The following GALNT15 variants were observed in gnomAD, a reference collection of about 807,000 sequenced individuals.
GALNT15 encodes polypeptide N-acetylgalactosaminyltransferase 15.
GALNT15 carries 67 observed loss-of-function variants against 66.8 expected under a neutral mutation model. That is an observed-to-expected ratio of 1.00 (90% CI 0.82 to 1.23). GALNT15 has a LOEUF of 1.23. Among genes scored for constraint, GALNT15 ranks in the 50% most tolerant of loss-of-function variants. GALNT15 has a pLI of 0.00. For missense variants in GALNT15, 827 were observed against 804.3 expected (o/e 1.03, Z -0.34); for synonymous variants, 313 against 311.5 (o/e 1.00, Z -0.05).
intron 1 of GALNT15, among the ~76,000 whole-genome samples, chr3:16,185,479 TAA>T (rs1190947792): frequency 6.6e-6 from 1 of 152,162 alleles, no homozygotes; most frequent in Non-Finnish European, 1.5e-5. Flanking sequence ...GCAGGTTTCC[TAA>T]AAGTGATTCT....
rs9833671 is a variant in GALNT15, at chr3:16,195,865, C to T, written c.645C>T (p.Leu215=). ...STLLRTVHSI[L]DTVPRAFLKE... ...TCCTGCGGACTGTACACAGCATCCT[C>T]GACACAGTGCCCAGGGCCTTCCTGA... The change falls in exon 2 of 10, where the codon CTC becomes CTT. Residue 215 remains leucine (L), a synonymous_variant. Transcript: ENST00000339732. The surrounding 1 kb of genome is among the most constrained non-coding windows in gnomAD (Gnocchi z 4.6). 26,035 of 1,613,996 alleles carry T rather than the reference C, an allele frequency of 0.016. 3,537 individuals are homozygous for T. The African/African-American group carries it at 0.3, about 18-fold the overall frequency.
chr3:16,190,653 A>G (rs896287705), intron 1 of GALNT15, among the ~76,000 whole-genome samples: 19 of 151,768 alleles, frequency 1.3e-4, no homozygotes, highest in African/African-American at 2.9e-4. Flanking sequence ...AAAAAAAAAA[A>G]AAAAGAAACA....
chr3:16,219,403 G>C lies in GALNT15; in HGVS notation c.1393G>C (p.Ala465Pro). The change falls in exon 7 of 10, where the codon GCT becomes CCT. Residue 465 changes from alanine (A) to proline (P), a missense_variant and splice_region_variant. By Grantham distance (27) the Ala-to-Pro change is conservative (BLOSUM62 -1). Transcript: ENST00000339732. This position sits in a 1 kb window ranked among gnomAD's most constrained non-coding sequence, Gnocchi z 4.3. ...HSPEAFSLSK[A>P]EKPDCMERLQ... ...CTGCTTGTGTCTTTCTCCTCCCCAGGCTGAGAAGCCAGACTGCATGGAACG... is the reference window on the plus strand; with the variant it reads ...CTGCTTGTGTCTTTCTCCTCCCCAGCCTGAGAAGCCAGACTGCATGGAACG... The C allele has an allele frequency of 6.2e-7, 1 of 1,613,930 alleles. No individual in the cohort carries two copies. The highest frequency in any genetic ancestry group is 8.5e-7 in the Non-Finnish European group (1 of 1,179,918).
rs931309103 is a variant in GALNT15 at position 16,218,702 on chromosome 3, C to T, written c.1393-701C>T. Among the ~76,000 whole-genome samples, 9 of 152,092 alleles carry T rather than the reference C, an allele frequency of 5.9e-5. 1 individual carries two copies. The highest frequency in any genetic ancestry group is 4.6e-4 in the Admixed American group (7 of 15,278). On this transcript the variant is annotated intron_variant, in intron 6 of 9. Transcript: ENST00000339732. The stretch of plus-strand genomic sequence containing the variant: ...TGGGTCAGTTCCTGACTCCATGAGG[C>T]CCCTCGTAGTTTCTCCTTACACCAA...
At position 16,227,673 on chromosome 3, in the gene GALNT15, T is replaced by G; in HGVS notation, c.*173T>G. On this transcript the variant is annotated 3_prime_UTR_variant, in exon 10 of 10. Transcript: ENST00000339732. This position sits in a 1 kb window ranked among gnomAD's most constrained non-coding sequence, Gnocchi z 4.5. ...GAAGTTTCTCCTTTTCACACCTTAT[T>G]TCATTGACTGCTGGCTGCTTTAAAA... 1 of 1,434,484 alleles carries G rather than the reference T, an allele frequency of 7.0e-7. No homozygotes were observed. Among genetic ancestry groups the G allele is most frequent in the Non-Finnish European group, 9.0e-7 (1 of 1,105,388 alleles). The allele number at this position is 1,434,484 out of a possible 1,614,324, so 88.9% of individuals were successfully genotyped here.
Position 16,175,653 on chromosome 3 carries a change from C to A in GALNT15, c.502C>A (p.Pro168Thr), listed in dbSNP as rs754040989. 1.9e-6 allele frequency: 3 copies of A among 1,610,210 alleles called. No homozygotes were observed. Among genetic ancestry groups the A allele is most frequent in the Non-Finnish European group, 2.5e-6 (3 of 1,178,532 alleles). The change falls in exon 1 of 10, where the codon CCC becomes ACC. Residue 168 changes from proline to threonine, a missense_variant. Pro to Thr is a conservative substitution (Grantham distance 38). Transcript: ENST00000339732. This position sits in a 1 kb window ranked among gnomAD's most constrained non-coding sequence, Gnocchi z 5.6. ...GLQEALSARI[P>T]LQRALPEVRH... ...CCAGGAGGCACTCAGTGCCCGCATC[C>A]CCCTCCAGAGGGCTCTGCCCGAGGT...
rs1405600700 is a variant in GALNT15 at position 16,184,513 on chromosome 3, G to C, written c.539+8823G>C. Among the ~76,000 whole-genome samples, 1 of 152,202 alleles carries C rather than the reference G, an allele frequency of 6.6e-6. No individual in the cohort carries two copies. The highest frequency in any genetic ancestry group is 2.4e-5 in the African/African-American group (1 of 41,446). On this transcript the variant is annotated intron_variant, in intron 1 of 9. Coordinates refer to ENST00000339732, the MANE Select transcript of GALNT15 (RefSeq NM_054110.5). This position sits in a 1 kb window ranked among gnomAD's most constrained non-coding sequence, Gnocchi z 5.0. ...CCCACCTGCACTCTCTCTCTGGGCT[G>C]TGTCCTACCCACCCTTCAGGTCTTG...
In GALNT15 at chr3:16,195,938, T is replaced by G. The variant is rs1392589933; in HGVS notation, c.706+12T>G. On this transcript the variant is annotated intron_variant, in intron 2 of 9. Transcript: ENST00000339732. The surrounding 1 kb of genome is among the most constrained non-coding windows in gnomAD (Gnocchi z 4.6). ...CCTCAGCCAGCAAGGTAGCCACGGC[T>G]TTCCTCCAGGCTCGTCTGGGTGAGC... The G allele has an allele frequency of 3.7e-6, 6 of 1,613,680 alleles. No individual in the cohort carries two copies. In the South Asian group the frequency reaches 6.6e-5, roughly 18 times the overall value.
intron 9 of GALNT15, among the ~76,000 whole-genome samples, chr3:16,223,207 G>A (rs1325322485): frequency 6.6e-6 from 1 of 151,978 alleles, no homozygotes; most frequent in East Asian, 1.9e-4. Flanking sequence ...TCCTTTCAAT[G>A]CAAATTGCAC....
At position 16,211,065 on chromosome 3, in the gene GALNT15, C is replaced by G; in HGVS notation, c.1080-59C>G. The G allele has an allele frequency of 7.7e-7, 1 of 1,297,768 alleles. No homozygotes were observed. The highest frequency in any genetic ancestry group is 1.1e-6 in the Non-Finnish European group (1 of 895,476). The allele number at this position is 1,297,768 out of a possible 1,614,324, so 80.4% of individuals were successfully genotyped here. A position where few individuals can be genotyped will look rare whatever the true frequency, so the allele number is the denominator to read the frequency against. On this transcript the variant is annotated intron_variant, in intron 4 of 9. Coordinates refer to ENST00000339732, the MANE Select transcript of GALNT15 (RefSeq NM_054110.5). The surrounding 1 kb of genome is among the most constrained non-coding windows in gnomAD (Gnocchi z 4.3). ...CCACCTGGGAAGCCCCAGCCCCCAG[C>G]CTCGCCTGCTGTGCTCTGGGTTCTG...
intron 2 of GALNT15, among the ~76,000 whole-genome samples, chr3:16,198,482 A>T (rs190704207): frequency 2.1e-5 from 3 of 142,128 alleles, no homozygotes; most frequent in African/African-American, 7.9e-5. Context: ...GAAACATCAA[A>T]GTTCTGTCAG....
At chr3:16,185,772 T>C (rs1461656812) in intron 1 of GALNT15, among the ~76,000 whole-genome samples, 1 of 151,908 alleles carries the variant, frequency 6.6e-6, no homozygotes, top group Non-Finnish European at 1.5e-5. Flanking sequence ...GATAGATAGA[T>C]AGATAGATAG....
At chr3:16,207,760 A>G (rs947996542) in intron 3 of GALNT15, among the ~76,000 whole-genome samples, 4 of 152,136 alleles carry the variant, frequency 2.6e-5, no homozygotes, top group Admixed American at 6.5e-5. Context: ...ACTCTCTGAC[A>G]TCGTGCACAA....
intron 3 of GALNT15, among the ~76,000 whole-genome samples, chr3:16,206,240 G>A (rs985403562): frequency 2.0e-5 from 3 of 152,014 alleles, no homozygotes; most frequent in Non-Finnish European, 2.9e-5. Flanking sequence ...CACACTAGCC[G>A]GGCATGGTGG....
chr3:16,179,055 C>A (rs575682095), intron 1 of GALNT15, among the ~76,000 whole-genome samples: 1 of 152,252 alleles, frequency 6.6e-6, no homozygotes, highest in Non-Finnish European at 1.5e-5. Context: ...GAATAGGTGG[C>A]ATTTGAGGAA....
At position 16,175,078 on chromosome 3, in the gene GALNT15, C is replaced by A; in HGVS notation, c.-74C>A. ...GGAACAAGCAACCCAGGTTCTGCTG[C>A]AAGCTTGAAGGAGCCTGGAGCGGGA... is the stretch of plus-strand genomic sequence containing the variant. On this transcript the variant is annotated 5_prime_UTR_variant, in exon 1 of 10. Coordinates refer to ENST00000339732, the MANE Select transcript of GALNT15 (RefSeq NM_054110.5). This position sits in a 1 kb window ranked among gnomAD's most constrained non-coding sequence, Gnocchi z 5.6. 6.9e-7 allele frequency: 1 copy of A among 1,452,930 alleles called. No homozygotes were observed. The highest frequency in any genetic ancestry group is 9.4e-7 in the Non-Finnish European group (1 of 1,063,942). The allele number at this position is 1,452,930 out of a possible 1,614,324, so 90.0% of individuals were successfully genotyped here.
At chr3:16,192,955 T>G (rs956285107) in intron 1 of GALNT15, among the ~76,000 whole-genome samples, 1 of 152,246 alleles carries the variant, frequency 6.6e-6, no homozygotes, top group Non-Finnish European at 1.5e-5. Flanking sequence ...TCTTTAAAAC[T>G]AATATGATAT....
chr3:16,217,819 C>T (rs2063895594), intron 6 of GALNT15, among the ~76,000 whole-genome samples: 1 of 152,062 alleles, frequency 6.6e-6, no homozygotes, highest in Non-Finnish European at 1.5e-5. Flanking sequence ...TAGCAAAGTC[C>T]AACTCTGGGA....
At chr3:16,232,670 G>C (rs935560286), downstream of GALNT15, among the ~76,000 whole-genome samples, 26 of 150,836 alleles carry the variant, frequency 1.7e-4, no homozygotes. Context: ...AGGTGGGACA[G>C]AGCACCTTGA....
Sources: gnomAD v4.1 joint callset for allele counts (sites outside exome capture counted in the v4.1 genomes callset) on GRCh38, gnomAD v4.1.1 for gene constraint, Gnocchi (gnomAD v3.1) non-coding constraint, MANE v1.5 for transcripts, NCBI Gene and HGNC (gene_info 2026-07-23, HGNC 2026-07-21) for gene names.